Variants in ERGIC1 observed in about 807,000 individuals in gnomAD.
ERGIC1 encodes endoplasmic reticulum-Golgi intermediate compartment protein 1.
In ERGIC1, 19 loss-of-function variants were observed where a neutral mutation model predicts 38.3. The observed-to-expected ratio is 0.50, with a 90% CI of 0.35 to 0.73. The LOEUF (loss-of-function observed/expected upper bound fraction) is 0.73, where lower values mean the gene tolerates loss of function less well. Among genes scored for constraint, ERGIC1 ranks in the 30% least tolerant of loss-of-function variants. The pLI is 0.01. For missense variants in ERGIC1, 294 were observed against 389.2 expected (o/e 0.76, Z 2.06); for synonymous variants, 124 against 157.6 (o/e 0.79, Z 1.60).
At chr5:172,886,974 C>A (rs1762438955) in intron 1 of ERGIC1, among the ~76,000 whole-genome samples, 1 of 152,186 alleles carries the variant, frequency 6.6e-6, no homozygotes, top group Non-Finnish European at 1.5e-5. Context: ...TTCTAGTACC[C>A]TCAGGGGCAC....
At position 172,886,424 on chromosome 5, in the gene ERGIC1, C is replaced by A. The variant is rs577482040; in HGVS notation, c.21-2275C>A. On this transcript the variant is annotated intron_variant, in intron 1 of 9. Transcript: ENST00000393784. ...GGACCCCAGGCCAAGTCAGGTACCC[C>A]CTCCTGAGTTAATCCAGCACCTCGT... Among the ~76,000 whole-genome samples, 5 of 152,122 alleles carry A rather than the reference C, an allele frequency of 3.3e-5. 1 individual carries two copies. The highest frequency in any genetic ancestry group is 5.9e-5 in the Non-Finnish European group (4 of 68,028).
chr5:172,886,642 T>C (rs2113251962), intron 1 of ERGIC1, among the ~76,000 whole-genome samples: 1 of 152,244 alleles, frequency 6.6e-6, no homozygotes, highest in East Asian at 1.9e-4. Flanking sequence ...ACGTGGCATT[T>C]CTGGGGTGCC....
Position 172,834,382 on chromosome 5 carries a change from C to A in ERGIC1, c.-32C>A. ...CCACGCGGCGCCGCGGCCCGCCTGG[C>A]CTGCAGCGCTCCCACCCCCGGCGGC... is the stretch of plus-strand genomic sequence containing the variant. On this transcript the variant is annotated 5_prime_UTR_variant, in exon 1 of 10. Transcript: ENST00000393784. The surrounding 1 kb of genome is among the most constrained non-coding windows in gnomAD (Gnocchi z 4.1). 1 of 1,307,688 alleles carries A rather than the reference C, an allele frequency of 7.6e-7. No individual in the cohort carries two copies. Among genetic ancestry groups the A allele is most frequent in the Admixed American group, 3.6e-5 (1 of 27,422 alleles). 81.0% of individuals were successfully genotyped at this position (1,307,688 alleles called of 1,614,324 possible).
At chr5:172,851,323 A>G (rs776684633) in intron 1 of ERGIC1, among the ~76,000 whole-genome samples, 43 of 151,902 alleles carry the variant, frequency 2.8e-4, no homozygotes, top group South Asian at 2.1e-4. Flanking sequence ...AGCCTGACCA[A>G]TATGGTGAGC....
chr5:172,874,556 A>G (rs1193786198), intron 1 of ERGIC1, among the ~76,000 whole-genome samples: 5 of 152,176 alleles, frequency 3.3e-5, no homozygotes, highest in Non-Finnish European at 5.9e-5. Context: ...CTCTCTGGTG[A>G]CATATTCTGA....
chr5:172,942,115 C>T (rs1441356725), intron 9 of ERGIC1, among the ~76,000 whole-genome samples: 4 of 152,120 alleles, frequency 2.6e-5, no homozygotes, highest in African/African-American at 4.8e-5. Context: ...GCAGGAGAAT[C>T]GCTTGAACCA....
intron 9 of ERGIC1, among the ~76,000 whole-genome samples, chr5:172,947,408 A>C (rs1272304572): frequency 1.3e-5 from 2 of 151,962 alleles, no homozygotes; most frequent in Non-Finnish European, 2.9e-5. Context: ...AAGCTCCTGG[A>C]CTCAAGCAAC....
chr5:172,918,215 A>G (rs1254949309), intron 5 of ERGIC1: 2 of 152,242 alleles, frequency 1.3e-5, no homozygotes, highest in African/African-American at 2.4e-5. Flanking sequence ...ATCTTATTTG[A>G]TGCATCAGTA....
At chr5:172,859,937 G>A (rs573165176) in intron 1 of ERGIC1, among the ~76,000 whole-genome samples, 1 of 152,372 alleles carries the variant, frequency 6.6e-6, no homozygotes, top group East Asian at 1.9e-4. Context: ...TTGCCTTTAA[G>A]CTGTGCTTTG....
rs772553613 is a variant in ERGIC1, at chr5:172,909,758, G to A, written c.247G>A (p.Glu83Lys). Residue 83 changes from glutamate to lysine, a missense_variant, in exon 4 of 10, where the codon GAG becomes AAG. Around this residue, in one of 3 missense-constraint regions of ERGIC1, gnomAD observed 163 missense variants for 225.8 expected, o/e 0.72. Transcript: ENST00000393784. ...CATCAGTTTACCCAATCTGCACTGC[G>A]AGTGTGAGTACTCCACGCAGCCCCT... Reference protein sequence around the residue: ...LNISLPNLHCELVGLDIQDEM... With the variant: ...LNISLPNLHCKLVGLDIQDEM... The A allele has an allele frequency of 5.6e-6, 9 of 1,613,832 alleles. No individual in the cohort carries two copies. Among genetic ancestry groups the A allele is most frequent in the African/African-American group, 5.3e-5 (4 of 74,906 alleles).
At chr5:172,894,173 T>A (rs1321788433) in intron 2 of ERGIC1, among the ~76,000 whole-genome samples, 1 of 111,986 alleles carries the variant, frequency 8.9e-6, no homozygotes, top group Non-Finnish European at 1.8e-5. Context: ...AACCTTTGAA[T>A]GCTTCCCCGG....
At chr5:172,901,482 C>T (rs1163867559) in intron 3 of ERGIC1, among the ~76,000 whole-genome samples, 3 of 152,222 alleles carry the variant, frequency 2.0e-5, no homozygotes, top group Non-Finnish European at 4.4e-5. Context: ...AATATAGTAA[C>T]TGGAACTCTC....
chr5:172,944,886 G>C (rs1318775755), intron 9 of ERGIC1, among the ~76,000 whole-genome samples: 1 of 152,172 alleles, frequency 6.6e-6, no homozygotes, highest in Non-Finnish European at 1.5e-5. Context: ...CTTTTCATCA[G>C]CACTGCCTTC....
chr5:172,896,860 C>A, intron 2 of ERGIC1, 142 bp from the exon 3 acceptor site: 1 of 701,202 alleles, frequency 1.4e-6, no homozygotes, highest in South Asian at 1.9e-5. Context: ...TATTGAGGCT[C>A]GAGTCAGAAG....
chr5:172,940,344 A>G (rs1763982446), intron 9 of ERGIC1, among the ~76,000 whole-genome samples: 1 of 152,134 alleles, frequency 6.6e-6, no homozygotes, highest in South Asian at 2.1e-4. Flanking sequence ...TCTGTGCTAT[A>G]TTAGAACATT....
At chr5:172,856,977 GGGTT>G (rs1761564810) in intron 1 of ERGIC1, among the ~76,000 whole-genome samples, 1 of 152,184 alleles carries the variant, frequency 6.6e-6, no homozygotes, top group Non-Finnish European at 1.5e-5. Context: ...GGGTAGCCAA[GGGTT>G]GGGGCCCCTG....
At chr5:172,892,641 G>A (rs1208108360) in intron 2 of ERGIC1, among the ~76,000 whole-genome samples, 1 of 152,174 alleles carries the variant, frequency 6.6e-6, no homozygotes, top group East Asian at 1.9e-4. Flanking sequence ...GAGAGCCTTA[G>A]AGTCTTGCCC....
At chr5:172,835,934 C>T (rs1183613700) in intron 1 of ERGIC1, among the ~76,000 whole-genome samples, 3 of 152,178 alleles carry the variant, frequency 2.0e-5, no homozygotes, top group African/African-American at 2.4e-5. Context: ...GAGCTGTGGT[C>T]GGCACATCAA....
chr5:172,907,893 G>A (rs1261811734), intron 3 of ERGIC1, among the ~76,000 whole-genome samples: 1 of 152,146 alleles, frequency 6.6e-6, no homozygotes, highest in African/African-American at 2.4e-5. Flanking sequence ...GACAGCATCT[G>A]TCTGATTCAT....
Sources: allele counts gnomAD v4.1 joint callset (sites outside exome capture counted in the v4.1 genomes callset), GRCh38; gene constraint gnomAD v4.1.1; regional missense constraint gnomAD v4.1.1; non-coding constraint Gnocchi (gnomAD v3.1); transcripts MANE v1.5; gene names NCBI Gene and HGNC (gene_info 2026-07-23, HGNC 2026-07-21).